CCDC148: variants seen among roughly 807,000 people sequenced by gnomAD.
CCDC148 encodes the protein coiled-coil domain containing 148, also known as coiled-coil domain-containing protein 148.
CCDC148 carries 89 observed loss-of-function variants against 85.7 expected under a neutral mutation model. The observed-to-expected ratio is 1.04, with a 90% confidence interval of 0.87 to 1.24. The LOEUF (loss-of-function observed/expected upper bound fraction) is 1.24, where lower values mean the gene tolerates loss of function less well. Ranked by LOEUF, CCDC148 falls within the 50% of genes most tolerant of loss-of-function variation. The probability of loss-of-function intolerance (pLI) is 0.00; values close to 1 mark genes in which losing one functional copy is unlikely to be tolerated. For synonymous variants in CCDC148, 230 were observed against 213.9 expected (o/e 1.08, Z -0.66); for missense variants, 692 against 671.7 (o/e 1.03, Z -0.33).
At chr2:158,333,254 A>T (rs555145443) in intron 7 of CCDC148, among the ~76,000 whole-genome samples, 66 of 152,268 alleles carry the variant, frequency 4.3e-4, no homozygotes, top group African/African-American at 1.6e-3. Context: ...GAACTTATTT[A>T]TTTCTGCCTT....
At chr2:158,244,701 T>C (rs7559893) in intron 10 of CCDC148, among the ~76,000 whole-genome samples, 130,798 of 152,010 alleles carry the variant, frequency 0.86, 58,223 homozygotes, top group Non-Finnish European at 0.97. Context: ...CAGGACCACT[T>C]GATAATTTTA....
At position 158,261,493 on chromosome 2, in the gene CCDC148, C is replaced by A. The variant is rs1032305846; in HGVS notation, c.1111-10581G>T. ...TCATTACAAAGATACCAAAACTAATCGCAACAAAATCGAAAATTGACAAAC... is the reference window on the plus strand; with the variant it reads ...TCATTACAAAGATACCAAAACTAATAGCAACAAAATCGAAAATTGACAAAC... On this transcript the variant is annotated intron_variant, in intron 9 of 13. Coordinates refer to ENST00000283233, the MANE Select transcript of CCDC148 (RefSeq NM_138803.4). Among the ~76,000 whole-genome samples, 7 of 150,812 alleles carry A rather than the reference C, an allele frequency of 4.6e-5. No individual in the cohort carries two copies. In the Admixed American group the frequency reaches 4.7e-4, roughly 10 times the overall value.
chr2:158,221,967 C>A (rs1558994302), intron 10 of CCDC148, among the ~76,000 whole-genome samples: 1 of 152,016 alleles, frequency 6.6e-6, no homozygotes. Flanking sequence ...TGATAAATGC[C>A]AGGGAATTCT....
In CCDC148 at chr2:158,220,605, CT is replaced by C; in HGVS notation, c.1359del (p.Asp454ThrfsTer16). The C allele has an allele frequency of 6.2e-7, 1 of 1,603,910 alleles. No homozygotes were observed. Among genetic ancestry groups the C allele is most frequent in the Admixed American group, 1.7e-5 (1 of 58,106 alleles). On this transcript the variant is annotated frameshift_variant, in exon 11 of 14. Transcript: ENST00000283233. LOFTEE classifies it high-confidence loss of function. ...LKKLIAEQSL[K>X]DRERVKYRQE... is the part of the protein sequence containing the mutation. ...TAAATTTTCTTTTACCTTTCTCTGT[CT>C]TTTAGTGACTGTTCAGCGATTAATT...
rs558598737 is a variant in CCDC148, at chr2:158,453,559, G to A, written c.25+2856C>T. Among the ~76,000 whole-genome samples the A allele has an allele frequency of 1.2e-4, 18 of 151,992 alleles. No homozygotes were observed. In the South Asian group the frequency reaches 3.7e-3, roughly 32 times the overall value. On this transcript the variant is annotated intron_variant, in intron 1 of 13. Coordinates refer to ENST00000283233, the MANE Select transcript of CCDC148 (RefSeq NM_138803.4). ...GAAAACCCCAAAATTATCAGTATTG[G>A]CGTACTTTTTGAAGATTTTATCTTC...
At chr2:158,192,639 A>G (rs1179552805) in intron 11 of CCDC148, among the ~76,000 whole-genome samples, 2 of 152,014 alleles carry the variant, frequency 1.3e-5, no homozygotes, top group African/African-American at 4.8e-5. Context: ...GAGGCTCCTT[A>G]GGAAAAGAGC....
intron 10 of CCDC148, among the ~76,000 whole-genome samples, chr2:158,230,924 C>A (rs1038393394): frequency 2.0e-5 from 3 of 152,030 alleles, no homozygotes; most frequent in African/African-American, 7.2e-5. Flanking sequence ...TTTGCTTGAA[C>A]AGCTGGTTGA....
At chr2:158,417,554 T>C (rs1357422746) in intron 1 of CCDC148, among the ~76,000 whole-genome samples, 1 of 152,174 alleles carries the variant, frequency 6.6e-6, no homozygotes, top group African/African-American at 2.4e-5. Context: ...TTGGATGAGA[T>C]TTTCTTAGAA....
At chr2:158,281,376 G>A (rs560865839) in intron 9 of CCDC148, among the ~76,000 whole-genome samples, 20 of 152,158 alleles carry the variant, frequency 1.3e-4, no homozygotes, top group Admixed American at 7.2e-4. Context: ...TTGATAGACC[G>A]CTGGCAGACT....
chr2:158,173,392 G>C (rs1684409720), intron 13 of CCDC148, among the ~76,000 whole-genome samples: 2 of 152,030 alleles, frequency 1.3e-5, no homozygotes, highest in Admixed American at 1.3e-4. Context: ...GGAGCTACTA[G>C]GGTATGTTTG....
chr2:158,276,821 T>A (rs566795286), intron 9 of CCDC148, among the ~76,000 whole-genome samples: 183 of 152,382 alleles, frequency 1.2e-3, no homozygotes, highest in African/African-American at 4.2e-3. Context: ...TAGGTCAGAC[T>A]AAGCCCTGTG....
intron 10 of CCDC148, among the ~76,000 whole-genome samples, chr2:158,249,636 A>T (rs1230432866): frequency 6.6e-6 from 1 of 152,150 alleles, no homozygotes; most frequent in Middle Eastern, 3.2e-3. Flanking sequence ...CTCTACACCA[A>T]TTTGCTGATT....
chr2:158,217,943 C>T (rs893450361), intron 11 of CCDC148, among the ~76,000 whole-genome samples: 1 of 152,138 alleles, frequency 6.6e-6, no homozygotes, highest in African/African-American at 2.4e-5. Flanking sequence ...AACCGAATTT[C>T]TTAGTGCTAT....
At position 158,172,021 on chromosome 2, in the gene CCDC148, T is replaced by G; in HGVS notation, c.*92A>C. The G allele has an allele frequency of 1.0e-6, 1 of 996,538 alleles. No homozygotes were observed. The highest frequency in any genetic ancestry group is 2.1e-5 in the South Asian group (1 of 48,272). 61.7% of individuals were successfully genotyped at this position (996,538 alleles called of 1,614,324 possible). A position where few individuals can be genotyped will look rare whatever the true frequency, so the allele number is the denominator to read the frequency against. On this transcript the variant is annotated 3_prime_UTR_variant, in exon 14 of 14. Coordinates refer to ENST00000283233, the MANE Select transcript of CCDC148 (RefSeq NM_138803.4). Reference sequence around the variant, plus strand: ...GATGCTATGATTTCTATGTCTGATATTTCAAACATTTTAGAAAGTAGTAAT... The same window carrying G: ...GATGCTATGATTTCTATGTCTGATAGTTCAAACATTTTAGAAAGTAGTAAT...
chr2:158,330,210 A>C (rs140640105), intron 7 of CCDC148, among the ~76,000 whole-genome samples: 4,358 of 152,282 alleles, frequency 0.029, 206 homozygotes, highest in African/African-American at 0.1. Context: ...GAGTGTTTTT[A>C]GCATGAAGCG....
intron 9 of CCDC148, among the ~76,000 whole-genome samples, chr2:158,283,399 C>G (rs1386074132): frequency 2.0e-5 from 3 of 152,164 alleles, no homozygotes; most frequent in African/African-American, 7.2e-5. Context: ...GAGCTAATAT[C>G]CAGAATCTAC....
At chr2:158,240,551 G>A (rs1559010591) in intron 10 of CCDC148, among the ~76,000 whole-genome samples, 1 of 151,488 alleles carries the variant, frequency 6.6e-6, no homozygotes, top group Non-Finnish European at 1.5e-5. Context: ...AGTCATGAGG[G>A]AAAAGGACCT....
intron 10 of CCDC148, among the ~76,000 whole-genome samples, chr2:158,228,336 A>G (rs1254761995): frequency 6.6e-6 from 1 of 152,352 alleles, no homozygotes; most frequent in South Asian, 2.1e-4. Flanking sequence ...ATGGAGAAAT[A>G]GGAACACTTT....
chr2:158,179,457 C>T (rs1684779503), intron 11 of CCDC148, among the ~76,000 whole-genome samples: 1 of 151,996 alleles, frequency 6.6e-6, no homozygotes, highest in Non-Finnish European at 1.5e-5. Context: ...ATTCTAATAA[C>T]AACCAGAGAA....
Sources: gnomAD v4.1 joint callset for allele counts (sites outside exome capture counted in the v4.1 genomes callset) on GRCh38, gnomAD v4.1.1 for gene constraint, MANE v1.5 for transcripts, NCBI Gene and HGNC (gene_info 2026-07-23, HGNC 2026-07-21) for gene names.